CTBP2: variants seen among roughly 807,000 people sequenced by gnomAD.
The protein encoded by CTBP2 is C-terminal-binding protein 2.
A neutral mutation model predicts 80.3 loss-of-function variants in CTBP2; 30 were observed. The observed-to-expected ratio is 0.37, with a 90% CI of 0.28 to 0.51. The LOEUF (loss-of-function observed/expected upper bound fraction) is 0.51. CTBP2 is among the 20% of genes least tolerant of loss of function. CTBP2 has a pLI of 0.93. For missense variants in CTBP2, 1,212 were observed against 1,375.3 expected (o/e 0.88, Z 1.88); for synonymous variants, 594 against 587.4 (o/e 1.01, Z -0.16).
At chr10:125,038,298 C>T (rs973521607) in intron 3 of CTBP2, among the ~76,000 whole-genome samples, 2 of 152,090 alleles carry the variant, frequency 1.3e-5, no homozygotes, top group Non-Finnish European at 2.9e-5. Flanking sequence ...ATCTTCGCTT[C>T]CCTCCGAGAG....
rs879038556 is a variant in CTBP2 at position 125,026,373 on chromosome 10, A to G, written c.1387T>C (p.Leu463=). ...GGGTTTGAGGGGCCCGGGTTAGTCA[A>G]GGCCACCCCTGCCTGCAGGGGGTAC... The change falls in exon 1 of 9, where the codon TTG becomes CTG. Residue 463 remains leucine (L), a synonymous_variant. Transcript: ENST00000309035. The G allele has an allele frequency of 3.1e-6, 5 of 1,612,390 alleles. No homozygotes were observed. In the South Asian group the frequency reaches 3.3e-5, roughly 11 times the overall value.
intron 6 of CTBP2, 95 bp downstream of exon 8, chr10:124,993,760 C>A: frequency 7.0e-7 from 1 of 1,433,326 alleles, no homozygotes; most frequent in Non-Finnish European, 9.4e-7. Flanking sequence ...TGCCCAGGGA[C>A]CTGTTTGGGA....
chr10:125,152,009 AG>A (rs1478728509), intron 1 of CTBP2, among the ~76,000 whole-genome samples: 1 of 151,050 alleles, frequency 6.6e-6, no homozygotes, highest in Non-Finnish European at 1.5e-5. Flanking sequence ...GCGAGGCGCG[AG>A]GTGGGGGGGC....
chr10:125,146,395 C>T (rs1271824885), intron 1 of CTBP2, among the ~76,000 whole-genome samples: 1 of 151,988 alleles, frequency 6.6e-6, no homozygotes, highest in Non-Finnish European at 1.5e-5. Context: ...ATTCTCCTGC[C>T]TCAGACTCCC....
At chr10:125,161,311 C>A (rs2133565172), upstream of CTBP2, 1 of 152,126 alleles carries the variant, frequency 6.6e-6, no homozygotes, top group East Asian at 2.0e-4. Context: ...TGGCAGGGGC[C>A]GAGGTCCTGT....
intron 2 of CTBP2, among the ~76,000 whole-genome samples, chr10:125,083,209 G>A (rs35480484): frequency 0.15 from 22,957 of 152,164 alleles, 1,854 homozygotes; most frequent in Middle Eastern, 0.25. Context: ...CACCAACAAC[G>A]TAAGACCACC....
chr10:125,002,669 C>T (rs748039219), intron 3 of CTBP2, among the ~76,000 whole-genome samples: 12 of 152,184 alleles, frequency 7.9e-5, no homozygotes, highest in East Asian at 3.9e-4. Flanking sequence ...CCTCTGGAGG[C>T]GGCACTGGGT....
At chr10:125,048,811 A>G (rs1961918790) in intron 2 of CTBP2, among the ~76,000 whole-genome samples, 1 of 152,306 alleles carries the variant, frequency 6.6e-6, no homozygotes, top group East Asian at 1.9e-4. Flanking sequence ...TAGGCTTTCC[A>G]TTACAAATGA....
At position 124,984,765 on chromosome 10, in the gene CTBP2, C is replaced by G. The variant is rs749018228; in HGVS notation, c.*4753G>C. On this transcript the variant is annotated 3_prime_UTR_variant, in exon 9 of 9. Transcript: ENST00000309035. ...TGATTTTCCCTTTGTCTTCATATTC[C>G]TCCAAAAGCTAGGTAATGAGGAACA... is the stretch of plus-strand genomic sequence containing the variant. 3 of 1,611,354 alleles carry G rather than the reference C, an allele frequency of 1.9e-6. No homozygotes were observed. The East Asian group carries it at 6.7e-5, about 36-fold the overall frequency.
chr10:125,087,790 G>T (rs1848215637), intron 2 of CTBP2, among the ~76,000 whole-genome samples: 1 of 152,238 alleles, frequency 6.6e-6, no homozygotes, highest in Admixed American at 6.5e-5. Flanking sequence ...CTCACAGCAT[G>T]TACATGCTCT....
At chr10:125,080,452 G>C (rs56148630) in intron 2 of CTBP2, among the ~76,000 whole-genome samples, 2 of 152,094 alleles carry the variant, frequency 1.3e-5, no homozygotes, top group Non-Finnish European at 2.9e-5. Context: ...TCCTCTGGCC[G>C]TTCTGGAACA....
At chr10:125,134,734 C>A (rs867725476) in intron 1 of CTBP2, among the ~76,000 whole-genome samples, 1 of 152,118 alleles carries the variant, frequency 6.6e-6, no homozygotes, top group Non-Finnish European at 1.5e-5. Context: ...GCCACCTCTG[C>A]GGGTCCTTGG....
intron 2 of CTBP2, among the ~76,000 whole-genome samples, chr10:125,101,184 A>G (rs1590780939): frequency 6.6e-6 from 1 of 152,348 alleles, no homozygotes; most frequent in South Asian, 2.1e-4. Context: ...AAAATGCAGG[A>G]GTCCAGACCC....
chr10:125,128,601 G>A (rs1046656366), intron 1 of CTBP2, among the ~76,000 whole-genome samples: 1 of 152,186 alleles, frequency 6.6e-6, no homozygotes, highest in East Asian at 1.9e-4. Context: ...GGAGGTGGGG[G>A]TCAAGGGAGA....
chr10:125,028,115 A>ACGGCG, upstream of CTBP2: 2 of 224,204 alleles, frequency 8.9e-6, no homozygotes, highest in Non-Finnish European at 1.8e-5. Flanking sequence ...GGAGCTAAAT[A>ACGGCG]AAACCCTAAA....
At chr10:125,088,660 T>A (rs1389730967) in intron 2 of CTBP2, among the ~76,000 whole-genome samples, 1 of 152,182 alleles carries the variant, frequency 6.6e-6, no homozygotes, top group Non-Finnish European at 1.5e-5. Flanking sequence ...AATGTCTCTC[T>A]CCTGGAAATT....
At chr10:125,083,866 C>T (rs1187206283) in intron 2 of CTBP2, among the ~76,000 whole-genome samples, 7 of 152,286 alleles carry the variant, frequency 4.6e-5, no homozygotes, top group Admixed American at 2.6e-4. Context: ...CTGCAACCTC[C>T]GTTCCCTGGT....
intron 1 of CTBP2, among the ~76,000 whole-genome samples, chr10:125,009,353 T>C (rs756424290): frequency 5.9e-5 from 9 of 152,076 alleles, no homozygotes; most frequent in Non-Finnish European, 1.2e-4. Context: ...CCCAGCCTCA[T>C]GCACAATGAT....
At chr10:125,085,850 G>A (rs1847890431) in intron 2 of CTBP2, among the ~76,000 whole-genome samples, 1 of 152,228 alleles carries the variant, frequency 6.6e-6, no homozygotes, top group South Asian at 2.1e-4. Context: ...AAACTGAAAT[G>A]TGATCCTAGC....
Sources: gnomAD v4.1 joint callset for allele counts (sites outside exome capture counted in the v4.1 genomes callset) on GRCh38, gnomAD v4.1.1 for gene constraint, MANE v1.5 for transcripts, NCBI Gene and HGNC (gene_info 2026-07-23, HGNC 2026-07-21) for gene names.